The following NFAT5 variants were observed in gnomAD, a reference collection of about 807,000 sequenced individuals.
The protein encoded by NFAT5 is nuclear factor of activated T cells 5, also known as nuclear factor of activated T-cells 5.
NFAT5 carries 31 observed loss-of-function variants against 166.5 expected under a neutral mutation model. The ratio of observed to expected loss-of-function variants is 0.19; its 90% CI spans 0.14 to 0.25. The LOEUF (loss-of-function observed/expected upper bound fraction) is 0.25, where lower values mean the gene tolerates loss of function less well. Among genes scored for constraint, NFAT5 ranks in the 10% least tolerant of loss-of-function variants. The pLI is 1.00. For missense variants in NFAT5, 1,449 were observed against 1,821.8 expected (o/e 0.80, Z 3.72); for synonymous variants, 612 against 639.7 (o/e 0.96, Z 0.65).
chr16:69,649,017 T>G, intron 4 of NFAT5: 1 of 944,856 alleles, frequency 1.1e-6, no homozygotes, highest in Non-Finnish European at 1.3e-6. Context: ...CTTTTCAGTT[T>G]TAGAAAGTCC....
chr16:69,650,477 ATTC>A (rs2035618709), intron 4 of NFAT5, among the ~76,000 whole-genome samples: 1 of 152,150 alleles, frequency 6.6e-6, no homozygotes, highest in Non-Finnish European at 1.5e-5. Context: ...ATTACATGAT[ATTC>A]TTCTTTAAGC....
At position 69,693,939 on chromosome 16, in the gene NFAT5, A is replaced by G; in HGVS notation, c.4114A>G (p.Ser1372Gly). Residue 1372 changes from serine (S) to glycine (G), a missense_variant, in exon 13 of 15, where the codon AGC (serine) becomes GGC (glycine). By Grantham distance (56) the Ser-to-Gly change is moderately conservative. This residue lies in a region of NFAT5 where 891 missense variants were observed against 993.0 expected (regional missense o/e 0.90). Transcript: ENST00000349945. Reference sequence around the variant, plus strand: ...ATCATCACAGACCCCCTTGTTCCATAGCTCTCCTCAGATTCAGTTGGTACA... The same window carrying G: ...ATCATCACAGACCCCCTTGTTCCATGGCTCTCCTCAGATTCAGTTGGTACA... Reference protein sequence around the residue: ...SESSQTPLFHSSPQIQLVQGS... With the variant: ...SESSQTPLFHGSPQIQLVQGS... The G allele has an allele frequency of 6.2e-7, 1 of 1,614,192 alleles. No homozygotes were observed. Among genetic ancestry groups the G allele is most frequent in the Non-Finnish European group, 8.5e-7 (1 of 1,180,030 alleles).
intron 2 of NFAT5, among the ~76,000 whole-genome samples, chr16:69,600,147 TG>T (rs543498943): frequency 7.5e-6 from 1 of 133,582 alleles, no homozygotes; most frequent in South Asian, 2.6e-4. Context: ...TTCATTTCTC[TG>T]GGAAAAAAAA....
Position 69,663,404 on chromosome 16 carries a change from T to C in NFAT5, c.1369+3505T>C, listed in dbSNP as rs1410971517. On this transcript the variant is annotated intron_variant, in intron 7 of 14. Coordinates refer to ENST00000349945, the MANE Select transcript of NFAT5 (RefSeq NM_138713.4). ...TATATGTTTTTTGTTTTGGTATGTATGTTTATATTATTTTGTTATGTTATA... is the reference window on the plus strand; with the variant it reads ...TATATGTTTTTTGTTTTGGTATGTACGTTTATATTATTTTGTTATGTTATA... Among the ~76,000 whole-genome samples, 7 of 152,146 alleles carry C rather than the reference T, an allele frequency of 4.6e-5. No homozygotes were observed. In the East Asian group the frequency reaches 1.3e-3, roughly 29 times the overall value.
intron 1 of NFAT5, among the ~76,000 whole-genome samples, chr16:69,567,785 T>TC (rs957040928): frequency 6.6e-6 from 1 of 150,940 alleles, no homozygotes; most frequent in Non-Finnish European, 1.5e-5. Context: ...GTTTTGAATG[T>TC]CAAAAAAAAA....
intron 3 of NFAT5, among the ~76,000 whole-genome samples, chr16:69,629,159 T>C (rs768538313): frequency 3.9e-5 from 6 of 152,232 alleles, no homozygotes; most frequent in Admixed American, 6.5e-5. Context: ...AGGAGCCGGA[T>C]TGGCTGCTCT....
At chr16:69,689,027 A>C (rs1405662539) in intron 11 of NFAT5, among the ~76,000 whole-genome samples, 1 of 152,182 alleles carries the variant, frequency 6.6e-6, no homozygotes, top group Non-Finnish European at 1.5e-5. Context: ...TAATCCCAGC[A>C]CTTTGGGCAG....
At chr16:69,612,438 A>G (rs991100604) in intron 2 of NFAT5, among the ~76,000 whole-genome samples, 2 of 152,224 alleles carry the variant, frequency 1.3e-5, no homozygotes, top group Non-Finnish European at 2.9e-5. Flanking sequence ...GCATTAAAGT[A>G]TGGAAAGGAA....
At chr16:69,653,535 T>A in intron 5 of NFAT5, 107 bp downstream of exon 5, 1 of 710,596 alleles carries the variant, frequency 1.4e-6, no homozygotes, top group Non-Finnish European at 2.1e-6. Flanking sequence ...TTCCCTCATA[T>A]TTGATATTTG....
intron 2 of NFAT5, among the ~76,000 whole-genome samples, chr16:69,577,243 A>G (rs1198229683): frequency 6.6e-6 from 1 of 151,984 alleles, no homozygotes; most frequent in Non-Finnish European, 1.5e-5. Context: ...GAGGTTTGCT[A>G]TTGTAAATTG....
Position 69,635,802 on chromosome 16 carries a change from C to T in NFAT5, c.253+9274C>T, listed in dbSNP as rs551223105. 2.0e-5 allele frequency among the ~76,000 whole-genome samples: 3 copies of T among 152,248 alleles called. 1 individual carries two copies. Among genetic ancestry groups the T allele is most frequent in the African/African-American group, 7.2e-5 (3 of 41,546 alleles). On this transcript the variant is annotated intron_variant, in intron 3 of 14. Transcript: ENST00000349945. Reference sequence around the variant, plus strand: ...CAACACATGGGAATTCTGGGAGATACAATTCAAGTTGAGATTTGGGTGGGG... The same window carrying T: ...CAACACATGGGAATTCTGGGAGATATAATTCAAGTTGAGATTTGGGTGGGG...
intron 2 of NFAT5, among the ~76,000 whole-genome samples, chr16:69,584,704 C>T (rs1040386434): frequency 6.6e-6 from 1 of 151,868 alleles, no homozygotes; most frequent in Non-Finnish European, 1.5e-5. Context: ...CGGAGGATCC[C>T]CTGAGGCCAG....
At chr16:69,592,198 A>C (rs546148970) in intron 2 of NFAT5, among the ~76,000 whole-genome samples, 1 of 149,048 alleles carries the variant, frequency 6.7e-6, no homozygotes, top group Non-Finnish European at 1.5e-5. Flanking sequence ...TCCTGCCTCA[A>C]CCTCCCAAGT....
At chr16:69,671,186 T>C (rs2036606931) in intron 9 of NFAT5, among the ~76,000 whole-genome samples, 1 of 152,230 alleles carries the variant, frequency 6.6e-6, no homozygotes, top group Admixed American at 6.5e-5. Context: ...CAGCCAAGAC[T>C]GTTGCCACTT....
chr16:69,679,808 A>C (rs1419054244), intron 10 of NFAT5, among the ~76,000 whole-genome samples: 1 of 152,040 alleles, frequency 6.6e-6, no homozygotes, highest in Non-Finnish European at 1.5e-5. Context: ...ATCTAAGGAA[A>C]TTTGATATAA....
intron 2 of NFAT5, among the ~76,000 whole-genome samples, chr16:69,607,520 T>TTGTTAA (rs1181780005): frequency 2.6e-5 from 4 of 152,268 alleles, no homozygotes; most frequent in Admixed American, 6.5e-5. Flanking sequence ...TGACAACCTC[T>TTGTTAA]AATACTAGAA....
At chr16:69,567,826 A>C (rs2016160728) in intron 1 of NFAT5, among the ~76,000 whole-genome samples, 2 of 152,210 alleles carry the variant, frequency 1.3e-5, no homozygotes. Flanking sequence ...TTCTTAGAGC[A>C]GGGCTAATGT....
chr16:69,570,435 G>A (rs2016363248), intron 2 of NFAT5, among the ~76,000 whole-genome samples: 1 of 151,926 alleles, frequency 6.6e-6, no homozygotes, highest in Non-Finnish European at 1.5e-5. Flanking sequence ...AGTTTAACCA[G>A]TATCTAATCT....
intron 2 of NFAT5, among the ~76,000 whole-genome samples, chr16:69,595,034 C>CCACT (rs1377177016): frequency 6.6e-6 from 1 of 152,052 alleles, no homozygotes; most frequent in African/African-American, 2.4e-5. Flanking sequence ...TAGATTGTAC[C>CCACT]CACTCAGATT....
Sources: allele counts gnomAD v4.1 joint callset (sites outside exome capture counted in the v4.1 genomes callset), GRCh38; gene constraint gnomAD v4.1.1; regional missense constraint gnomAD v4.1.1; transcripts MANE v1.5; gene names NCBI Gene and HGNC (gene_info 2026-07-23, HGNC 2026-07-21).